Variants in CLUAP1 observed in about 807,000 individuals in gnomAD.
CLUAP1 encodes clusterin-associated protein 1.
CLUAP1 carries 50 observed loss-of-function variants against 55.0 expected under a neutral mutation model. That is an observed-to-expected ratio of 0.91 (90% confidence interval 0.72 to 1.15). The LOEUF (loss-of-function observed/expected upper bound fraction) is 1.15. Ranked by LOEUF, CLUAP1 falls within the 50% of genes most tolerant of loss-of-function variation. The pLI, the probability that CLUAP1 is intolerant of heterozygous loss-of-function variation, is 0.00. For synonymous variants in CLUAP1, 195 were observed against 175.4 expected (o/e 1.11, Z -0.88); for missense variants, 530 against 507.6 (o/e 1.04, Z -0.42).
chr16:3,537,660 C>T lies in CLUAP1; in HGVS notation c.*1389C>T, dbSNP rs563252786. 6.6e-6 allele frequency: 1 copy of T among 151,778 alleles called. No individual in the cohort carries two copies. Among genetic ancestry groups the T allele is most frequent in the South Asian group, 2.1e-4 (1 of 4,784 alleles). The allele number at this position is 151,778 out of a possible 1,614,324, so 9.4% of individuals were successfully genotyped here. ...CTCCAGCCTGGGTGACAGAGTGAGA[C>T]CCTGTCTTTAAAAAAAAGAAAAAGA... is the stretch of plus-strand genomic sequence containing the variant. On this transcript the variant is annotated 3_prime_UTR_variant, in exon 12 of 12. Coordinates refer to ENST00000576634, the MANE Select transcript of CLUAP1 (RefSeq NM_015041.3).
rs535132010 is a variant in CLUAP1, at chr16:3,501,055, G to A, written c.-13G>A. On this transcript the variant is annotated 5_prime_UTR_variant, in exon 1 of 12. Coordinates refer to ENST00000576634, the MANE Select transcript of CLUAP1 (RefSeq NM_015041.3). ...AGCAGTTGCGACCCTGGGCTCCTGG[G>A]GACCTGAGCGTTATGTCTTTCCGCG... 1.9e-6 allele frequency: 3 copies of A among 1,599,520 alleles called. No homozygotes were observed. The highest frequency in any genetic ancestry group is 2.2e-5 in the South Asian group (2 of 89,510).
chr16:3,530,433 G>T, intron 9 of CLUAP1, 135 bp from the exon 10 acceptor site: 1 of 672,598 alleles, frequency 1.5e-6, no homozygotes. Flanking sequence ...CATGGGATAA[G>T]GATTTAATGT....
upstream of CLUAP1, among the ~76,000 whole-genome samples, chr16:3,498,882 A>G (rs997050480): frequency 2.1e-5 from 3 of 145,852 alleles, no homozygotes; most frequent in African/African-American, 7.4e-5. Flanking sequence ...AAACAAACAA[A>G]CAAACAACAA....
intron 2 of CLUAP1, among the ~76,000 whole-genome samples, chr16:3,506,104 A>G (rs950018518): frequency 6.6e-6 from 1 of 152,224 alleles, no homozygotes; most frequent in African/African-American, 2.4e-5. Flanking sequence ...ATTTAATTTT[A>G]TAAGCTGAGA....
At chr16:3,529,667 T>TTATTATA (rs2038050643) in intron 9 of CLUAP1, among the ~76,000 whole-genome samples, 11 of 12,164 alleles carry the variant, frequency 9.0e-4, no homozygotes, top group African/African-American at 9.3e-4. Context: ...ATATTATATA[T>TTATTATA]TATTATATAT....
chr16:3,506,536 T>G, intron 3 of CLUAP1, 121 bp downstream of exon 3: 18 of 742,658 alleles, frequency 2.4e-5, no homozygotes, highest in Non-Finnish European at 3.7e-5. Context: ...TGAGATGGAG[T>G]CTCATTCTCT....
chr16:3,503,477 A>G lies in CLUAP1; in HGVS notation c.23-1243A>G, dbSNP rs138346970. On this transcript the variant is annotated intron_variant, in intron 1 of 11. Coordinates refer to ENST00000576634, the MANE Select transcript of CLUAP1 (RefSeq NM_015041.3). Reference sequence around the variant, plus strand: ...TGTGCCCGGCAACTTTTGTATTTTTAGTAGAGGTGGGGTTTCACCATTTTG... The same window carrying G: ...TGTGCCCGGCAACTTTTGTATTTTTGGTAGAGGTGGGGTTTCACCATTTTG... 7.2e-5 allele frequency among the ~76,000 whole-genome samples: 11 copies of G among 152,120 alleles called. No homozygotes were observed. In the East Asian group the frequency reaches 2.1e-3, roughly 29 times the overall value.
At chr16:3,528,812 T>G (rs539958465) in intron 9 of CLUAP1, among the ~76,000 whole-genome samples, 25 of 152,150 alleles carry the variant, frequency 1.6e-4, no homozygotes, top group African/African-American at 6.0e-4. Flanking sequence ...CATGTGGCTA[T>G]TCGGTTGTCC....
At chr16:3,530,801 C>T (rs2038100837) in intron 10 of CLUAP1, 126 bp downstream of exon 10, 3 of 662,878 alleles carry the variant, frequency 4.5e-6, no homozygotes, top group African/African-American at 3.6e-5. Flanking sequence ...CTAGAAGCAG[C>T]TCTTGCTCAG....
chr16:3,507,371 A>G (rs1596384492), intron 3 of CLUAP1, among the ~76,000 whole-genome samples: 1 of 151,570 alleles, frequency 6.6e-6, no homozygotes, highest in Non-Finnish European at 1.5e-5. Flanking sequence ...TGGGTGATGT[A>G]GTGAGATCCT....
Position 3,529,623 on chromosome 16 carries a change from A to ATAT in CLUAP1, c.929-941_929-939dup, listed in dbSNP as rs1567439780. On this transcript the variant is annotated intron_variant, in intron 9 of 11. Coordinates refer to ENST00000576634, the MANE Select transcript of CLUAP1 (RefSeq NM_015041.3). ...TATATTATATATTATATAATATTAT[A>ATAT]TATTATATATTATTATATATTATAT... Among the ~76,000 whole-genome samples, 39 of 20,730 alleles carry ATAT rather than the reference A, an allele frequency of 1.9e-3. 4 individuals carry two copies. The highest frequency in any genetic ancestry group is 8.9e-3 in the African/African-American group (36 of 4,040). 13.6% of individuals were successfully genotyped at this position (20,730 alleles called of 152,430 possible). A position where few individuals can be genotyped will look rare whatever the true frequency, so the allele number is the denominator to read the frequency against.
Position 3,508,488 on chromosome 16 carries a change from T to G in CLUAP1, c.399+20T>G, listed in dbSNP as rs374595300. ...TCAAAGGTAAGGACAACAAAAGCCT[T>G]GTAGTGGGCGATGGAGCGTTGATTT... On this transcript the variant is annotated intron_variant, in intron 4 of 11. Transcript: ENST00000576634. The G allele has an allele frequency of 6.5e-7, 1 of 1,536,160 alleles. No homozygotes were observed. The highest frequency in any genetic ancestry group is 8.7e-7 in the Non-Finnish European group (1 of 1,150,812).
intron 10 of CLUAP1, 52 bp from the exon 11 acceptor site, chr16:3,532,734 T>C: frequency 1.3e-6 from 2 of 1,583,278 alleles, no homozygotes; most frequent in South Asian, 1.1e-5. Flanking sequence ...TGCTATTTCC[T>C]GCTTTATTTT....
At chr16:3,498,867 C>A (rs1482125485), upstream of CLUAP1, among the ~76,000 whole-genome samples, 3 of 144,344 alleles carry the variant, frequency 2.1e-5, no homozygotes, top group Non-Finnish European at 4.6e-5. Flanking sequence ...TCTCAAAAAA[C>A]AAACAAACAA....
intron 9 of CLUAP1, among the ~76,000 whole-genome samples, chr16:3,528,338 T>A (rs188726479): frequency 6.2e-4 from 94 of 152,302 alleles, no homozygotes; most frequent in Non-Finnish European, 4.6e-4. Flanking sequence ...TCTTTCTCTT[T>A]CTTTGCCATT....
intron 9 of CLUAP1, among the ~76,000 whole-genome samples, chr16:3,527,107 G>T (rs2037959729): frequency 6.6e-6 from 1 of 152,166 alleles, no homozygotes; most frequent in African/African-American, 2.4e-5. Context: ...CCTTATCCTT[G>T]TGTGGGCGGC....
intron 5 of CLUAP1, 143 bp from the exon 6 acceptor site, chr16:3,515,365 A>T (rs1364114181): frequency 1.7e-6 from 1 of 596,666 alleles, no homozygotes; most frequent in African/African-American, 2.0e-5. Flanking sequence ...ATAGGAGGTG[A>T]TGGTGGCAGT....
upstream of CLUAP1, among the ~76,000 whole-genome samples, chr16:3,499,698 T>C (rs532096776): frequency 6.6e-6 from 1 of 152,378 alleles, no homozygotes; most frequent in South Asian, 2.1e-4. Context: ...GATATGTGTT[T>C]TGTGCATATT....
In CLUAP1 at chr16:3,530,523, A is replaced by T. The variant is rs771393634; in HGVS notation, c.929-45A>T. 3.5e-6 allele frequency: 5 copies of T among 1,418,368 alleles called. No individual in the cohort carries two copies. The East Asian group carries it at 1.1e-4, about 32-fold the overall frequency. 87.9% of individuals were successfully genotyped at this position (1,418,368 alleles called of 1,614,324 possible). A position where few individuals can be genotyped will look rare whatever the true frequency, so the allele number is the denominator to read the frequency against. Reference sequence around the variant, plus strand: ...TACTGGGCAGAGCTGTTTCGTTGTGATCATGAAGCCACTCCTTTGTTTTGC... The same window carrying T: ...TACTGGGCAGAGCTGTTTCGTTGTGTTCATGAAGCCACTCCTTTGTTTTGC... On this transcript the variant is annotated intron_variant, in intron 9 of 11. Transcript: ENST00000576634.
Sources: gnomAD v4.1 joint callset for allele counts (sites outside exome capture counted in the v4.1 genomes callset) on GRCh38, gnomAD v4.1.1 for gene constraint, MANE v1.5 for transcripts, NCBI Gene and HGNC (gene_info 2026-07-23, HGNC 2026-07-21) for gene names.